SLC25A48: variants seen among roughly 807,000 people sequenced by gnomAD.
SLC25A48 encodes CTC-321K16.1.
In SLC25A48, 29 loss-of-function variants were observed where a neutral mutation model predicts 32.2. The observed-to-expected ratio is 0.90, with a 90% CI of 0.67 to 1.23. SLC25A48 has a LOEUF of 1.23. Ranked by LOEUF, SLC25A48 falls within the 50% of genes most tolerant of loss-of-function variation. SLC25A48 has a pLI of 0.00. For missense variants in SLC25A48, 399 were observed against 422.7 expected, an observed-to-expected ratio of 0.94 and a Z score of 0.49; for synonymous variants, 164 against 172.3, an observed-to-expected ratio of 0.95 and a Z score of 0.38.
chr5:135,885,919 T>C (rs1398673351), intron 7 of SLC25A48, among the ~76,000 whole-genome samples: 1 of 152,174 alleles, frequency 6.6e-6, no homozygotes, highest in African/African-American at 2.4e-5. Flanking sequence ...ATAACATATA[T>C]GATGTTATTC....
At chr5:135,597,929 A>G (rs1751693754) in intron 1 of SLC25A48, among the ~76,000 whole-genome samples, 2 of 152,122 alleles carry the variant, frequency 1.3e-5, no homozygotes, top group African/African-American at 4.8e-5. Context: ...ACTTGAACTC[A>G]GGAGACGGAA....
chr5:135,818,180 C>G (rs1025743491), intron 4 of SLC25A48, among the ~76,000 whole-genome samples: 4 of 150,464 alleles, frequency 2.7e-5, no homozygotes, highest in African/African-American at 9.8e-5. Flanking sequence ...AATTACACAA[C>G]AGCAATGCAG....
At chr5:135,735,889 G>A (rs543199290) in intron 3 of SLC25A48, among the ~76,000 whole-genome samples, 2 of 152,190 alleles carry the variant, frequency 1.3e-5, no homozygotes, top group Non-Finnish European at 2.9e-5. Flanking sequence ...TACCCTGACT[G>A]TGCCTTCAGC....
At chr5:135,798,695 G>T (rs935003949) in intron 3 of SLC25A48, among the ~76,000 whole-genome samples, 1 of 151,340 alleles carries the variant, frequency 6.6e-6, no homozygotes, top group Non-Finnish European at 1.5e-5. Flanking sequence ...ATCGCAGGGG[G>T]TGTACACTCT....
intron 3 of SLC25A48, among the ~76,000 whole-genome samples, chr5:135,738,954 C>A (rs1049435540): frequency 6.6e-6 from 1 of 152,118 alleles, no homozygotes; most frequent in Non-Finnish European, 1.5e-5. Context: ...TGGTGGCACA[C>A]GCCTGTAATC....
intron 3 of SLC25A48, among the ~76,000 whole-genome samples, chr5:135,636,515 G>A (rs1325999360): frequency 6.6e-6 from 1 of 152,168 alleles, no homozygotes; most frequent in Non-Finnish European, 1.5e-5. Flanking sequence ...CTATGGAAAG[G>A]GACCAGTTTC....
chr5:135,640,932 G>A (rs1168058322), intron 3 of SLC25A48, among the ~76,000 whole-genome samples: 1 of 152,064 alleles, frequency 6.6e-6, no homozygotes, highest in East Asian at 1.9e-4. Flanking sequence ...CCTAAGATCA[G>A]GAATAAGACA....
At chr5:135,786,002 A>G (rs1756838377) in intron 3 of SLC25A48, among the ~76,000 whole-genome samples, 1 of 149,898 alleles carries the variant, frequency 6.7e-6, no homozygotes. Context: ...CCCTTGCTCC[A>G]TGGATCCAGT....
intron 3 of SLC25A48, among the ~76,000 whole-genome samples, chr5:135,692,683 G>A (rs2126959393): frequency 6.6e-6 from 1 of 152,202 alleles, no homozygotes; most frequent in Admixed American, 6.5e-5. Context: ...CTTCTTGCAT[G>A]TCTTAATCTC....
intron 3 of SLC25A48, among the ~76,000 whole-genome samples, chr5:135,769,848 G>T (rs1477889106): frequency 1.3e-5 from 2 of 151,226 alleles, no homozygotes; most frequent in Non-Finnish European, 3.0e-5. Context: ...GATATTGTTC[G>T]TAATATCCAT....
intron 3 of SLC25A48, among the ~76,000 whole-genome samples, chr5:135,663,130 C>T (rs1360937401): frequency 1.3e-5 from 2 of 152,188 alleles, no homozygotes; most frequent in Non-Finnish European, 2.9e-5. Flanking sequence ...CATGACATAT[C>T]ATTGCTCACT....
At chr5:135,685,081 T>G (rs1561789835) in intron 3 of SLC25A48, among the ~76,000 whole-genome samples, 2 of 152,204 alleles carry the variant, frequency 1.3e-5, no homozygotes, top group African/African-American at 2.4e-5. Context: ...ATCAAAAATT[T>G]TAATTTTTCC....
In SLC25A48 at chr5:135,888,307, G is replaced by A; in HGVS notation, c.*283G>A. On this transcript the variant is annotated 3_prime_UTR_variant, in exon 8 of 8. Coordinates refer to ENST00000681962, the MANE Select transcript of SLC25A48 (RefSeq NM_001349336.2). ...ATGTTTGGTCCAGCTGAGAAGTCCT[G>A]ACCATGAGCACCAGGGAGCCAGAAA... is the stretch of plus-strand genomic sequence containing the variant. The A allele has an allele frequency of 2.2e-6, 1 of 463,964 alleles. No homozygotes were observed. The highest frequency in any genetic ancestry group is 4.6e-5 in the South Asian group (1 of 21,690). The allele number at this position is 463,964 out of a possible 1,614,324, so 28.7% of individuals were successfully genotyped here. A position where few individuals can be genotyped will look rare whatever the true frequency, so the allele number is the denominator to read the frequency against.
chr5:135,653,740 G>T (rs1753172839), intron 3 of SLC25A48: 2 of 450,050 alleles, frequency 4.4e-6, no homozygotes, highest in Non-Finnish European at 9.0e-6. Context: ...GAAGATAAAG[G>T]AGCTGAAAGC....
At chr5:135,869,321 T>C (rs1442973202) in intron 4 of SLC25A48, among the ~76,000 whole-genome samples, 1 of 152,164 alleles carries the variant, frequency 6.6e-6, no homozygotes, top group Non-Finnish European at 1.5e-5. Flanking sequence ...CTAACAGCCA[T>C]AAATGGGTAA....
At chr5:135,668,342 A>T (rs982237919) in intron 3 of SLC25A48, among the ~76,000 whole-genome samples, 1 of 152,226 alleles carries the variant, frequency 6.6e-6, no homozygotes, top group African/African-American at 2.4e-5. Flanking sequence ...TATATCCATA[A>T]AATATACCTA....
intron 3 of SLC25A48, among the ~76,000 whole-genome samples, chr5:135,782,981 G>T (rs1756753543): frequency 1.8e-5 from 2 of 114,212 alleles, no homozygotes; most frequent in African/African-American, 2.6e-5. Flanking sequence ...TAACATCCAG[G>T]GGGGGAGAAT....
chr5:135,790,308 T>G (rs7447059), intron 3 of SLC25A48, among the ~76,000 whole-genome samples: 102,687 of 151,480 alleles, frequency 0.68, 37,032 homozygotes, highest in Non-Finnish European at 0.81. Flanking sequence ...AGTGGGTTAC[T>G]CCATGTGTGT....
intron 2 of SLC25A48, among the ~76,000 whole-genome samples, chr5:135,844,026 G>A (rs1759217861): frequency 6.6e-6 from 1 of 152,140 alleles, no homozygotes. Flanking sequence ...CCCATGTCTG[G>A]CACTCCCCAG....
Sources: gnomAD v4.1 joint callset for allele counts (sites outside exome capture counted in the v4.1 genomes callset) on GRCh38, gnomAD v4.1.1 for gene constraint, MANE v1.5 for transcripts, NCBI Gene and HGNC (gene_info 2026-07-23, HGNC 2026-07-21) for gene names.